Variants in DPP9 observed in about 807,000 individuals in gnomAD.
The protein encoded by DPP9 is dipeptidyl peptidase 9, also known as dipeptidyl peptidase IV-related protein-2.
A neutral mutation model predicts 110.7 loss-of-function variants in DPP9; 50 were observed. That is an observed-to-expected ratio of 0.45 (90% CI 0.36 to 0.57). The LOEUF (loss-of-function observed/expected upper bound fraction) is 0.57. Ranked by LOEUF, DPP9 falls within the 20% of genes least tolerant of loss-of-function variation. The pLI is 0.00. For missense variants in DPP9, 1,022 were observed against 1,217.9 expected (o/e 0.84, Z 2.39); for synonymous variants, 561 against 514.4 (o/e 1.09, Z -1.23).
At chr19:4,692,785 G>A (rs897281414) in intron 13 of DPP9, among the ~76,000 whole-genome samples, 2 of 152,140 alleles carry the variant, frequency 1.3e-5, no homozygotes, top group East Asian at 3.9e-4. Context: ...GCCAGATGGC[G>A]GTGGCTGAGC....
rs2090617157 is a variant in DPP9 at position 4,685,806 on chromosome 19, G to A, written c.1886-35C>T. On this transcript the variant is annotated intron_variant, in intron 16 of 21. Coordinates refer to ENST00000262960, the MANE Select transcript of DPP9 (RefSeq NM_139159.5). The surrounding 1 kb of genome is among the most constrained non-coding windows in gnomAD (Gnocchi z 5.8). ...ACAGGGCGGCTATCTGGCTGCCCGG[G>A]GAAGCCACATCCAGCTGACACCCTT... 2.5e-6 allele frequency: 4 copies of A among 1,605,134 alleles called. No individual in the cohort carries two copies. The highest frequency in any genetic ancestry group is 2.7e-5 in the African/African-American group (2 of 74,838).
At chr19:4,690,157 G>A (rs529415018) in intron 14 of DPP9, among the ~76,000 whole-genome samples, 1 of 152,348 alleles carries the variant, frequency 6.6e-6, no homozygotes, top group African/African-American at 2.4e-5. Context: ...CTTCCTGTGG[G>A]AAGCCCCAGT....
At chr19:4,679,980 G>C (rs1176030876) in intron 20 of DPP9, 34 bp from the exon 21 acceptor site, 1 of 1,533,818 alleles carries the variant, frequency 6.5e-7, no homozygotes, top group Non-Finnish European at 9.0e-7. Context: ...CTGAGGCCAG[G>C]GATTGTCCGT....
At chr19:4,711,826 A>G (rs1193922859) in intron 4 of DPP9, among the ~76,000 whole-genome samples, 1 of 151,090 alleles carries the variant, frequency 6.6e-6, no homozygotes, top group Non-Finnish European at 1.5e-5. Flanking sequence ...TTCAGACAGA[A>G]GAGAAGAAGA....
In DPP9 at chr19:4,684,935, G is replaced by GC; in HGVS notation, c.2032-127dup. On this transcript the variant is annotated intron_variant, in intron 17 of 21. Coordinates refer to ENST00000262960, the MANE Select transcript of DPP9 (RefSeq NM_139159.5). The surrounding 1 kb of genome is among the most constrained non-coding windows in gnomAD (Gnocchi z 4.8). ...CTCAGAGCCTAATGAAAGCACCTGT[G>GC]CCCCGGAGGCTCTGGATGGACACCT... is the stretch of plus-strand genomic sequence containing the variant. The GC allele has an allele frequency of 7.9e-7, 1 of 1,262,518 alleles. No homozygotes were observed. Among genetic ancestry groups the GC allele is most frequent in the Non-Finnish European group, 1.1e-6 (1 of 894,462 alleles). The allele number at this position is 1,262,518 out of a possible 1,614,324, so 78.2% of individuals were successfully genotyped here.
rs2091942620 is a variant in DPP9, at chr19:4,698,006, AT to A, written c.1075-356del. On this transcript the variant is annotated intron_variant, in intron 10 of 21. Coordinates refer to ENST00000262960, the MANE Select transcript of DPP9 (RefSeq NM_139159.5). The surrounding 1 kb of genome is among the most constrained non-coding windows in gnomAD (Gnocchi z 4.2). ...ACCTGCTAGCAGCTTGGTGTTGGAC[AT>A]TATCAATTTCGGCCGTGTAAGCCTC... 6.6e-6 allele frequency among the ~76,000 whole-genome samples: 1 copy of A among 151,514 alleles called. No individual in the cohort carries two copies. The highest frequency in any genetic ancestry group is 1.5e-5 in the Non-Finnish European group (1 of 67,870).
At chr19:4,707,614 C>CTTTT (rs906371157) in intron 4 of DPP9, among the ~76,000 whole-genome samples, 5 of 78,408 alleles carry the variant, frequency 6.4e-5, no homozygotes, top group South Asian at 4.6e-4. Context: ...CTCATACTCG[C>CTTTT]TTTTTTTTTT....
In DPP9 at chr19:4,702,018, G is replaced by A. The variant is rs767866201; in HGVS notation, c.1012+9C>T. The A allele has an allele frequency of 3.1e-6, 5 of 1,612,282 alleles. No individual in the cohort carries two copies. The highest frequency in any genetic ancestry group is 2.2e-5 in the East Asian group (1 of 44,884). Reference sequence around the variant, plus strand: ...CCGGCCCAGCCCCTCACATGTACCGGGCACTCACCTGTCCTGGGGTACCGA... The same window carrying A: ...CCGGCCCAGCCCCTCACATGTACCGAGCACTCACCTGTCCTGGGGTACCGA... On this transcript the variant is annotated intron_variant, in intron 9 of 21. Transcript: ENST00000262960.
Position 4,682,940 on chromosome 19 carries a change from C to A in DPP9, c.2332-102G>T. The A allele has an allele frequency of 6.5e-7, 1 of 1,535,050 alleles. No homozygotes were observed. Among genetic ancestry groups the A allele is most frequent in the South Asian group, 1.2e-5 (1 of 83,552 alleles). Reference sequence around the variant, plus strand: ...GCTGTCCCGGGGCCGCCCTGGAGCCCGTGAGGAGCGCTCATGCACATGGGG... The same window carrying A: ...GCTGTCCCGGGGCCGCCCTGGAGCCAGTGAGGAGCGCTCATGCACATGGGG... On this transcript the variant is annotated intron_variant, in intron 19 of 21. Coordinates refer to ENST00000262960, the MANE Select transcript of DPP9 (RefSeq NM_139159.5). The surrounding 1 kb of genome is among the most constrained non-coding windows in gnomAD (Gnocchi z 7.1).
In DPP9 at chr19:4,684,164, T is replaced by C. The variant is rs1216539255; in HGVS notation, c.2178+499A>G. On this transcript the variant is annotated intron_variant, in intron 18 of 21. Transcript: ENST00000262960. This position sits in a 1 kb window ranked among gnomAD's most constrained non-coding sequence, Gnocchi z 4.8. ...GATGAGGGGCCCTTATAAAAGGGCC[T>C]GATGGAGGGAGGCCACGGCTTTTCC... is the stretch of plus-strand genomic sequence containing the variant. The C allele has an allele frequency of 2.2e-5, 6 of 277,830 alleles. No individual in the cohort carries two copies. In the East Asian group the frequency reaches 5.5e-4, roughly 25 times the overall value. The allele number at this position is 277,830 out of a possible 1,614,324, so 17.2% of individuals were successfully genotyped here. A position where few individuals can be genotyped will look rare whatever the true frequency, so the allele number is the denominator to read the frequency against.
chr19:4,678,038 T>C (rs573940307), intron 21 of DPP9, among the ~76,000 whole-genome samples: 1 of 152,270 alleles, frequency 6.6e-6, no homozygotes, highest in African/African-American at 2.4e-5. Flanking sequence ...CACGTTCTAC[T>C]TCCTGTGGGG....
rs2091699563 is a variant in DPP9 at position 4,695,309 on chromosome 19, G to A, written c.1353+69C>T. ...CTGCCATTGGCGCTCAGCCTTCTAG[G>A]ACGTGGGGGTGGGGACAGTGTGACT... is the stretch of plus-strand genomic sequence containing the variant. On this transcript the variant is annotated intron_variant, in intron 12 of 21. Coordinates refer to ENST00000262960, the MANE Select transcript of DPP9 (RefSeq NM_139159.5). This position sits in a 1 kb window ranked among gnomAD's most constrained non-coding sequence, Gnocchi z 4.7. 5 of 1,453,198 alleles carry A rather than the reference G, an allele frequency of 3.4e-6. No individual in the cohort carries two copies. In the East Asian group the frequency reaches 1.0e-4, roughly 30 times the overall value. The allele number at this position is 1,453,198 out of a possible 1,614,324, so 90.0% of individuals were successfully genotyped here. A position where few individuals can be genotyped will look rare whatever the true frequency, so the allele number is the denominator to read the frequency against.
In DPP9 at chr19:4,698,913, C is replaced by A. The variant is rs1209740961; in HGVS notation, c.1075-1262G>T. Among the ~76,000 whole-genome samples the A allele has an allele frequency of 1.3e-5, 2 of 152,122 alleles. No homozygotes were observed. Among genetic ancestry groups the A allele is most frequent in the African/African-American group, 4.8e-5 (2 of 41,420 alleles). On this transcript the variant is annotated intron_variant, in intron 10 of 21. Transcript: ENST00000262960. The surrounding 1 kb of genome is among the most constrained non-coding windows in gnomAD (Gnocchi z 4.2). ...GTGGCTCACACCTGTAATCCCAACA[C>A]TTTGGGAGGCCGAGGCGGGCGGATC...
chr19:4,717,310 G>A (rs183322223), intron 3 of DPP9, among the ~76,000 whole-genome samples: 9 of 152,318 alleles, frequency 5.9e-5, no homozygotes, highest in Non-Finnish European at 1.2e-4. Flanking sequence ...CCAGGGCAGT[G>A]GGGAGCCACA....
chr19:4,704,195 A>C lies in DPP9; in HGVS notation c.536T>G (p.Leu179Arg). The change falls in exon 6 of 22, where the codon CTC becomes CGC. Residue 179 changes from leucine (L) to arginine (R), a missense_variant. By Grantham distance (102) the Leu-to-Arg change is moderately radical. This residue lies in a region of DPP9 where 810 missense variants were observed against 920.6 expected (regional missense o/e 0.88). Coordinates refer to ENST00000262960, the MANE Select transcript of DPP9 (RefSeq NM_139159.5). This position sits in a 1 kb window ranked among gnomAD's most constrained non-coding sequence, Gnocchi z 6.0. ...TSYDFHSESG[L>R]FLFQASNSLF... ...GCTGTTGCTGGCCTGGAAGAGGAAG[A>C]GGCCACTCTCGCTGTGGAAGTCGTA... 6.2e-7 allele frequency: 1 copy of C among 1,613,996 alleles called. No individual in the cohort carries two copies. Among genetic ancestry groups the C allele is most frequent in the Non-Finnish European group, 8.5e-7 (1 of 1,179,878 alleles).
chr19:4,716,591 C>T (rs1396720066), intron 3 of DPP9, among the ~76,000 whole-genome samples: 1 of 151,410 alleles, frequency 6.6e-6, no homozygotes, highest in Non-Finnish European at 1.5e-5. Flanking sequence ...GAGCCGAGAT[C>T]GTGCCACTGC....
chr19:4,684,176 G>A lies in DPP9; in HGVS notation c.2178+487C>T, dbSNP rs1395665285. 3.6e-6 allele frequency: 1 copy of A among 274,408 alleles called. No homozygotes were observed. Among genetic ancestry groups the A allele is most frequent in the African/African-American group, 2.2e-5 (1 of 45,570 alleles). The allele number at this position is 274,408 out of a possible 1,614,324, so 17.0% of individuals were successfully genotyped here. A position where few individuals can be genotyped will look rare whatever the true frequency, so the allele number is the denominator to read the frequency against. On this transcript the variant is annotated intron_variant, in intron 18 of 21. Transcript: ENST00000262960. This position sits in a 1 kb window ranked among gnomAD's most constrained non-coding sequence, Gnocchi z 4.8. Reference sequence around the variant, plus strand: ...TTATAAAAGGGCCTGATGGAGGGAGGCCACGGCTTTTCCGCTCCTTGCAAC... The same window carrying A: ...TTATAAAAGGGCCTGATGGAGGGAGACCACGGCTTTTCCGCTCCTTGCAAC...
chr19:4,694,705 T>A lies in DPP9; in HGVS notation c.1472A>T (p.Lys491Ile), dbSNP rs757287079. ...CTCACTCCAATCGTAGCCCTGGGAT[T>A]TTAAAACGGCGGTGACTTTGTACAA... ...CHLYKVTAVL[K>I]SQGYDWSEPF... is the part of the protein sequence containing the mutation. Residue 491 changes from lysine (K) to isoleucine (I), a missense_variant, in exon 13 of 22, where the codon AAA becomes ATA. Lys to Ile is a moderately radical substitution (Grantham distance 102). Transcript: ENST00000262960. This position sits in a 1 kb window ranked among gnomAD's most constrained non-coding sequence, Gnocchi z 4.0. The A allele has an allele frequency of 3.1e-6, 5 of 1,613,388 alleles. No individual in the cohort carries two copies. In the South Asian group the frequency reaches 4.4e-5, roughly 14 times the overall value.
rs1382668835 is a variant in DPP9 at position 4,682,849 on chromosome 19, C to T, written c.2332-11G>A. ...ACCCGCGATGGCCACCTGAGGGACA[C>T]AGCAGACAGATGGGGGCAGAGAGAG... On this transcript the variant is annotated splice_polypyrimidine_tract_variant and intron_variant, in intron 19 of 21. Transcript: ENST00000262960. This position sits in a 1 kb window ranked among gnomAD's most constrained non-coding sequence, Gnocchi z 7.1. 3.8e-6 allele frequency: 6 copies of T among 1,575,206 alleles called. No individual in the cohort carries two copies. The highest frequency in any genetic ancestry group is 2.3e-5 in the East Asian group (1 of 42,652).
Sources: allele counts gnomAD v4.1 joint callset (sites outside exome capture counted in the v4.1 genomes callset), GRCh38; gene constraint gnomAD v4.1.1; regional missense constraint gnomAD v4.1.1; non-coding constraint Gnocchi (gnomAD v3.1); transcripts MANE v1.5; gene names NCBI Gene and HGNC (gene_info 2026-07-23, HGNC 2026-07-21).